ADAMTSL3: variants seen among roughly 807,000 people sequenced by gnomAD.
ADAMTSL3 encodes ADAMTS like 3, also known as ADAMTS-like protein 3.
ADAMTSL3 carries 128 observed loss-of-function variants against 201.7 expected under a neutral mutation model. That is an observed-to-expected ratio of 0.63 (90% CI 0.55 to 0.73). The LOEUF is 0.73. Ranked by LOEUF, ADAMTSL3 falls within the 30% of genes least tolerant of loss-of-function variation. The probability of loss-of-function intolerance (pLI) is 0.00; values close to 1 mark genes in which losing one functional copy is unlikely to be tolerated. For missense variants in ADAMTSL3, 1,990 were observed against 2,119.6 expected (o/e 0.94, Z 1.20); for synonymous variants, 738 against 748.4 (o/e 0.99, Z 0.23).
intron 26 of ADAMTSL3, among the ~76,000 whole-genome samples, chr15:84,022,103 G>A (rs530271977): frequency 6.6e-6 from 1 of 152,056 alleles, no homozygotes; most frequent in African/African-American, 2.4e-5. Context: ...CAAATTCATG[G>A]TCTCCAGCAA....
At chr15:83,837,757 C>T (rs1285687125) in intron 6 of ADAMTSL3, among the ~76,000 whole-genome samples, 1 of 150,780 alleles carries the variant, frequency 6.6e-6, no homozygotes. Context: ...AGCCACAATC[C>T]CACTATTGCA....
At chr15:83,855,823 C>T (rs539420496) in intron 7 of ADAMTSL3, among the ~76,000 whole-genome samples, 1 of 152,060 alleles carries the variant, frequency 6.6e-6, no homozygotes, top group Non-Finnish European at 1.5e-5. Flanking sequence ...ATCACTTTTG[C>T]TTGTTTGTTC....
At chr15:83,724,298 C>A (rs1279363107) in intron 3 of ADAMTSL3, among the ~76,000 whole-genome samples, 1 of 151,916 alleles carries the variant, frequency 6.6e-6, no homozygotes, top group East Asian at 1.9e-4. Context: ...ACGGGTTTCA[C>A]CATGTTGCCC....
At position 83,923,887 on chromosome 15, in the gene ADAMTSL3, C is replaced by T. The variant is rs201428194; in HGVS notation, c.1988-17C>T. 1.9e-4 allele frequency: 301 copies of T among 1,609,636 alleles called. No individual in the cohort carries two copies. The highest frequency in any genetic ancestry group is 2.1e-4 in the Non-Finnish European group (246 of 1,178,426). On this transcript the variant is annotated splice_polypyrimidine_tract_variant and intron_variant, in intron 16 of 29. Transcript: ENST00000286744. ...TATTCCATGTCATTTGCATTTTTTC[C>T]TCTTTCTAACCTGCAGGCCATCAAG...
intron 3 of ADAMTSL3, among the ~76,000 whole-genome samples, chr15:83,751,229 A>G (rs1384416165): frequency 6.6e-6 from 1 of 152,230 alleles, no homozygotes; most frequent in African/African-American, 2.4e-5. Context: ...GTGAGGATGA[A>G]TTGTAGCTTT....
chr15:83,991,613 T>C (rs2067585126), intron 23 of ADAMTSL3, among the ~76,000 whole-genome samples: 1 of 152,236 alleles, frequency 6.6e-6, no homozygotes, highest in Admixed American at 6.5e-5. Context: ...GTCCTCTAGA[T>C]AGACAAAAGC....
intron 23 of ADAMTSL3, among the ~76,000 whole-genome samples, chr15:84,005,647 C>T (rs575954015): frequency 3.3e-5 from 5 of 152,264 alleles, no homozygotes; most frequent in Admixed American, 6.5e-5. Flanking sequence ...CCCAGGCTCG[C>T]GCAAAGCAGA....
intron 20 of ADAMTSL3, among the ~76,000 whole-genome samples, chr15:83,975,755 A>G (rs1276610329): frequency 6.6e-6 from 1 of 152,108 alleles, no homozygotes; most frequent in Non-Finnish European, 1.5e-5. Flanking sequence ...TGTCAAATGG[A>G]GTGGTAAGTT....
intron 3 of ADAMTSL3, among the ~76,000 whole-genome samples, chr15:83,724,764 AT>A (rs1270438776): frequency 6.6e-6 from 1 of 151,660 alleles, no homozygotes; most frequent in Non-Finnish European, 1.5e-5. Flanking sequence ...AAATGTTTTA[AT>A]TTTTTTTAGC....
At chr15:83,803,166 G>T (rs2063550506) in intron 4 of ADAMTSL3, among the ~76,000 whole-genome samples, 1 of 152,150 alleles carries the variant, frequency 6.6e-6, no homozygotes, top group Non-Finnish European at 1.5e-5. Flanking sequence ...AACAGTGGAG[G>T]ATTAAATGAC....
chr15:84,028,553 C>T (rs1475413861), intron 27 of ADAMTSL3, among the ~76,000 whole-genome samples: 1 of 152,096 alleles, frequency 6.6e-6, no homozygotes, highest in Non-Finnish European at 1.5e-5. Context: ...CCTTAGCACA[C>T]AAGTCTTCAT....
chr15:83,875,219 A>G (rs2065155789), intron 9 of ADAMTSL3, among the ~76,000 whole-genome samples: 2 of 152,246 alleles, frequency 1.3e-5, no homozygotes, highest in Admixed American at 6.5e-5. Context: ...GGTTGGATAC[A>G]AGCATATTAA....
chr15:84,031,291 A>G (rs1453373009), intron 27 of ADAMTSL3, 44 bp from the exon 28 acceptor site: 2 of 1,583,972 alleles, frequency 1.3e-6, no homozygotes, highest in Non-Finnish European at 1.7e-6. Flanking sequence ...CACAGCATGG[A>G]TGAGCTTGCA....
intron 2 of ADAMTSL3, among the ~76,000 whole-genome samples, chr15:83,694,765 G>A (rs1035322286): frequency 2.8e-4 from 43 of 152,206 alleles, no homozygotes; most frequent in African/African-American, 1.0e-3. Flanking sequence ...CAGACAGCAG[G>A]CATGCAGGCT....
At chr15:83,974,996 G>A (rs1328982033) in intron 20 of ADAMTSL3, among the ~76,000 whole-genome samples, 1 of 137,026 alleles carries the variant, frequency 7.3e-6, no homozygotes, top group Non-Finnish European at 1.5e-5. Context: ...CACAGCCTGC[G>A]TCTTTTTTTT....
intron 6 of ADAMTSL3, among the ~76,000 whole-genome samples, chr15:83,825,770 G>A (rs2064008587): frequency 6.6e-6 from 1 of 152,044 alleles, no homozygotes; most frequent in South Asian, 2.1e-4. Flanking sequence ...AGAAGGGACA[G>A]GAATGTAACA....
intron 27 of ADAMTSL3, among the ~76,000 whole-genome samples, chr15:84,030,591 G>C (rs1221853158): frequency 2.0e-5 from 3 of 152,156 alleles, no homozygotes; most frequent in Non-Finnish European, 4.4e-5. Flanking sequence ...AGGCAGAAGA[G>C]ACTTGCCTTA....
Position 83,741,169 on chromosome 15 carries a change from ACT to A in ADAMTSL3, c.190-32351_190-32350del, listed in dbSNP as rs985876521. Among the ~76,000 whole-genome samples the A allele has an allele frequency of 6.1e-4, 93 of 151,296 alleles. 1 individual carries two copies. Among genetic ancestry groups the A allele is most frequent in the African/African-American group, 2.2e-3 (90 of 41,388 alleles). ...CCAATCTCATGGACCAAATACTAAA[ACT>A]CTAAATATATATTAATAGATAGCAA... On this transcript the variant is annotated intron_variant, in intron 3 of 29. Transcript: ENST00000286744.
At chr15:83,914,925 T>C (rs1296695726) in intron 16 of ADAMTSL3, among the ~76,000 whole-genome samples, 1 of 152,218 alleles carries the variant, frequency 6.6e-6, no homozygotes, top group Non-Finnish European at 1.5e-5. Flanking sequence ...AACTCTAACA[T>C]GCCCTTGGCA....
Sources: allele counts gnomAD v4.1 joint callset (sites outside exome capture counted in the v4.1 genomes callset), GRCh38; gene constraint gnomAD v4.1.1; transcripts MANE v1.5; gene names NCBI Gene and HGNC (gene_info 2026-07-23, HGNC 2026-07-21).